CAMTA1: variants seen among roughly 807,000 people sequenced by gnomAD.
The protein encoded by CAMTA1 is calmodulin binding transcription activator 1, also known as calmodulin-binding transcription activator 1.
CAMTA1 carries 27 observed loss-of-function variants against 170.9 expected under a neutral mutation model. The observed-to-expected ratio is 0.16, with a 90% CI of 0.12 to 0.22. The LOEUF is 0.22. Ranked by LOEUF, CAMTA1 falls within the 10% of genes least tolerant of loss-of-function variation. The probability of loss-of-function intolerance (pLI) is 1.00; values close to 1 mark genes in which losing one functional copy is unlikely to be tolerated. For synonymous variants in CAMTA1, 833 were observed against 891.5 expected (o/e 0.93, Z 1.17); for missense variants, 1,619 against 2,217.2 (o/e 0.73, Z 5.42).
Position 7,680,852 on chromosome 1 carries a change from G to A in CAMTA1, c.2914+3119G>A, listed in dbSNP as rs1434584071. Among the ~76,000 whole-genome samples, 2 of 119,408 alleles carry A rather than the reference G, an allele frequency of 1.7e-5. No individual in the cohort carries two copies. Among genetic ancestry groups the A allele is most frequent in the South Asian group, 3.2e-4 (1 of 3,088 alleles). The allele number at this position is 119,408 out of a possible 152,430, so 78.3% of individuals were successfully genotyped here. Reference sequence around the variant, plus strand: ...CGGGGCGCAGAGAACACGCGCGCGCGCGCGCGCGCCAGCAGCAGCAGCAGC... The same window carrying A: ...CGGGGCGCAGAGAACACGCGCGCGCACGCGCGCGCCAGCAGCAGCAGCAGC... On this transcript the variant is annotated intron_variant, in intron 11 of 22. Coordinates refer to ENST00000303635, the MANE Select transcript of CAMTA1 (RefSeq NM_015215.4). The surrounding 1 kb of genome is among the most constrained non-coding windows in gnomAD (Gnocchi z 4.4).
At chr1:7,683,365 A>T (rs983609541) in intron 11 of CAMTA1, among the ~76,000 whole-genome samples, 3 of 151,948 alleles carry the variant, frequency 2.0e-5, no homozygotes, top group African/African-American at 7.3e-5. Flanking sequence ...ATTCACAAGA[A>T]TTTTTCAGAT....
chr1:7,667,558 A>T (rs2149190108), intron 9 of CAMTA1, among the ~76,000 whole-genome samples: 1 of 152,116 alleles, frequency 6.6e-6, no homozygotes, highest in Non-Finnish European at 1.5e-5. Flanking sequence ...AGGTGGGAGG[A>T]GGGTCCCCTC....
chr1:7,557,315 A>C (rs1339902836), intron 6 of CAMTA1, among the ~76,000 whole-genome samples: 3 of 151,848 alleles, frequency 2.0e-5, no homozygotes, highest in Non-Finnish European at 4.4e-5. Context: ...TCAGAAAAAA[A>C]AAAAAAAAGA....
Position 7,603,132 on chromosome 1 carries a change from T to A in CAMTA1, c.511-37268T>A, listed in dbSNP as rs570679930. 2.1e-3 allele frequency among the ~76,000 whole-genome samples: 327 copies of A among 152,320 alleles called. 6 individuals are homozygous for A. The highest frequency in any genetic ancestry group is 0.019 in the Admixed American group (296 of 15,294). On this transcript the variant is annotated intron_variant, in intron 6 of 22. Coordinates refer to ENST00000303635, the MANE Select transcript of CAMTA1 (RefSeq NM_015215.4). ...GTGGTCAATTTTGGAATAGGTGTGG[T>A]GTGGTGCTGAAAAGAATGTATATTC...
intron 5 of CAMTA1, among the ~76,000 whole-genome samples, chr1:7,398,183 CTCTCT>C (rs2089525409): frequency 2.2e-5 from 1 of 45,220 alleles, no homozygotes; most frequent in African/African-American, 8.8e-5. Flanking sequence ...CTCTCTCTCT[CTCTCT>C]CTCTCTATAT....
At chr1:6,849,722 A>C (rs1659642448) in intron 3 of CAMTA1, among the ~76,000 whole-genome samples, 1 of 152,068 alleles carries the variant, frequency 6.6e-6, no homozygotes, top group Non-Finnish European at 1.5e-5. Context: ...ATTTGGGACA[A>C]TTGGCTTACC....
At chr1:7,332,886 G>C (rs1451831585) in intron 5 of CAMTA1, among the ~76,000 whole-genome samples, 1 of 152,214 alleles carries the variant, frequency 6.6e-6, no homozygotes, top group East Asian at 1.9e-4. Context: ...TGCACGAAGC[G>C]TGAGCTTGTG....
intron 3 of CAMTA1, among the ~76,000 whole-genome samples, chr1:6,853,367 A>G (rs1236069995): frequency 3.3e-5 from 5 of 152,240 alleles, no homozygotes; most frequent in Non-Finnish European, 7.3e-5. Context: ...AGACTTTGAT[A>G]AGTCAAGGAC....
chr1:6,996,867 A>G (rs1418788736), intron 3 of CAMTA1, among the ~76,000 whole-genome samples: 1 of 152,224 alleles, frequency 6.6e-6, no homozygotes, highest in Non-Finnish European at 1.5e-5. Flanking sequence ...TGGTCCAACA[A>G]GAGCTACTTC....
chr1:7,272,944 T>A (rs939630924), intron 5 of CAMTA1, among the ~76,000 whole-genome samples: 6 of 152,138 alleles, frequency 3.9e-5, no homozygotes, highest in African/African-American at 1.4e-4. Flanking sequence ...GGACACATAA[T>A]TTGAATAGAT....
rs1284139745 is a variant in CAMTA1, at chr1:7,251,824, A to C, written c.438+2198A>C. On this transcript the variant is annotated intron_variant, in intron 5 of 22. Coordinates refer to ENST00000303635, the MANE Select transcript of CAMTA1 (RefSeq NM_015215.4). This position sits in a 1 kb window ranked among gnomAD's most constrained non-coding sequence, Gnocchi z 5.1. Reference sequence around the variant, plus strand: ...ACACTTCCTAGGTCAGATGGGATACAAGCTGAGCCCTTAAAGTCGGGTGGG... The same window carrying C: ...ACACTTCCTAGGTCAGATGGGATACCAGCTGAGCCCTTAAAGTCGGGTGGG... 1.3e-5 allele frequency among the ~76,000 whole-genome samples: 2 copies of C among 152,138 alleles called. No homozygotes were observed. The highest frequency in any genetic ancestry group is 3.8e-4 in the East Asian group (2 of 5,198).
chr1:7,256,356 G>A (rs1488158048), intron 5 of CAMTA1, among the ~76,000 whole-genome samples: 1 of 152,026 alleles, frequency 6.6e-6, no homozygotes, highest in South Asian at 2.1e-4. Context: ...TCAGGAGATC[G>A]AGACCAACCT....
chr1:7,070,197 G>A (rs527936576), intron 3 of CAMTA1, among the ~76,000 whole-genome samples: 1 of 152,322 alleles, frequency 6.6e-6, no homozygotes, highest in Admixed American at 6.5e-5. Flanking sequence ...AGCAGCATCA[G>A]ATGGGGGCGG....
intron 12 of CAMTA1, among the ~76,000 whole-genome samples, chr1:7,734,588 G>T (rs1046683580): frequency 6.6e-6 from 1 of 152,082 alleles, no homozygotes; most frequent in Admixed American, 6.6e-5. Context: ...ATTTCCATGT[G>T]CTCATGAATG....
At chr1:7,098,120 T>TGTGTGC (rs751908758) in intron 4 of CAMTA1, among the ~76,000 whole-genome samples, 16 of 152,062 alleles carry the variant, frequency 1.1e-4, no homozygotes, top group African/African-American at 1.9e-4. Flanking sequence ...TGTGTGTGTG[T>TGTGTGC]GCACGTGCGC....
At chr1:7,285,309 T>C (rs1317966787) in intron 5 of CAMTA1, among the ~76,000 whole-genome samples, 1 of 152,212 alleles carries the variant, frequency 6.6e-6, no homozygotes, top group Non-Finnish European at 1.5e-5. Flanking sequence ...TGGAAGGTAT[T>C]GGAGCAGCTT....
chr1:7,671,131 A>C (rs2096056947), intron 10 of CAMTA1, 94 bp downstream of exon 10: 1 of 1,373,354 alleles, frequency 7.3e-7, no homozygotes, highest in Admixed American at 1.9e-5. Context: ...TGAGCAGGTC[A>C]TGTCCTTACT....
chr1:7,512,786 G>A (rs2094220197), intron 6 of CAMTA1, among the ~76,000 whole-genome samples: 1 of 152,236 alleles, frequency 6.6e-6, no homozygotes, highest in Admixed American at 6.5e-5. Flanking sequence ...AAGCCCCTGA[G>A]AAGGTGTCTC....
At chr1:7,524,942 G>A (rs1417181721) in intron 6 of CAMTA1, among the ~76,000 whole-genome samples, 1 of 152,094 alleles carries the variant, frequency 6.6e-6, no homozygotes, top group East Asian at 1.9e-4. Context: ...AACCAGTGTG[G>A]ACCATTCACA....
Sources: gnomAD v4.1 joint callset for allele counts (sites outside exome capture counted in the v4.1 genomes callset) on GRCh38, gnomAD v4.1.1 for gene constraint, Gnocchi (gnomAD v3.1) non-coding constraint, MANE v1.5 for transcripts, NCBI Gene and HGNC (gene_info 2026-07-23, HGNC 2026-07-21) for gene names.